Variants in PNO1 observed in about 807,000 individuals in gnomAD.
PNO1 encodes partner of NOB1 homolog.
Under a neutral mutation model 28.4 loss-of-function variants are expected in PNO1, and 16 were observed. The ratio of observed to expected loss-of-function variants is 0.56; its 90% confidence interval spans 0.38 to 0.85. PNO1 has a LOEUF of 0.85. PNO1 is among the 40% of genes least tolerant of loss of function. The pLI is 0.00. For synonymous variants in PNO1, 115 were observed against 110.8 expected (o/e 1.04, Z -0.24); for missense variants, 304 against 312.2 (o/e 0.97, Z 0.20).
chr2:68,163,783 G>T (rs887839289), intron 5 of PNO1, among the ~76,000 whole-genome samples: 1 of 152,108 alleles, frequency 6.6e-6, no homozygotes, highest in South Asian at 2.1e-4. Context: ...GATGAGAGGG[G>T]CTTAAAATAA....
chr2:68,174,463 TA>T (rs1205316262), intron 6 of PNO1, among the ~76,000 whole-genome samples: 2 of 152,104 alleles, frequency 1.3e-5, no homozygotes, highest in African/African-American at 4.8e-5. Flanking sequence ...AATGGCAAAT[TA>T]AAAATAATAC....
intron 5 of PNO1, among the ~76,000 whole-genome samples, chr2:68,163,465 A>T (rs774440505): frequency 6.2e-4 from 95 of 152,218 alleles, no homozygotes; most frequent in Non-Finnish European, 1.2e-3. Flanking sequence ...TAGGAGGAGG[A>T]GGTTGCAGTG....
At chr2:68,170,641 G>A (rs1487745134) in intron 5 of PNO1, among the ~76,000 whole-genome samples, 3 of 151,456 alleles carry the variant, frequency 2.0e-5, no homozygotes, top group African/African-American at 7.3e-5. Flanking sequence ...CCAGTTACTT[G>A]GGAGGCTGAG....
chr2:68,157,957 A>G lies in PNO1; in HGVS notation c.23A>G (p.Gln8Arg), dbSNP rs375136958. The change falls in exon 1 of 7, where the codon CAG becomes CGG. Residue 8 changes from glutamine (Q) to arginine (R), a missense_variant. Gln to Arg is a conservative substitution (Grantham distance 43). Transcript: ENST00000263657. ...GGGATGGAATCCGAAATGGAAACGC[A>G]GAGCGCCAGGGCAGAGGAGGGCTTT... MESEMET[Q>R]SARAEEGFTQ... 3.8e-5 allele frequency: 61 copies of G among 1,613,960 alleles called. No individual in the cohort carries two copies. Among genetic ancestry groups the G allele is most frequent in the Non-Finnish European group, 5.0e-5 (59 of 1,180,020 alleles).
At position 68,174,726 on chromosome 2, in the gene PNO1, C is replaced by G. The variant is rs759238272; in HGVS notation, c.692-9C>G. 1.9e-6 allele frequency: 3 copies of G among 1,591,476 alleles called. No homozygotes were observed. Among genetic ancestry groups the G allele is most frequent in the Non-Finnish European group, 2.6e-6 (3 of 1,162,100 alleles). ...TATTTGTGTATATACTTTTTTTTCC[C>G]CTTTGCAGGAAATCCTCCTTCCAAG... On this transcript the variant is annotated splice_polypyrimidine_tract_variant and intron_variant, in intron 6 of 6. Coordinates refer to ENST00000263657, the MANE Select transcript of PNO1 (RefSeq NM_020143.4).
intron 5 of PNO1, among the ~76,000 whole-genome samples, chr2:68,163,185 C>T (rs929125612): frequency 2.0e-5 from 3 of 152,150 alleles, no homozygotes; most frequent in African/African-American, 7.2e-5. Context: ...ATTCTTTTCT[C>T]ATTTAACAAT....
Position 68,175,425 on chromosome 2 carries a change from AATTTTTTGT to A in PNO1, c.*634_*642del, listed in dbSNP as rs944470476. 6.6e-6 allele frequency: 1 copy of A among 152,186 alleles called. No individual in the cohort carries two copies. Among genetic ancestry groups the A allele is most frequent in the African/African-American group, 2.4e-5 (1 of 41,390 alleles). The allele number at this position is 152,186 out of a possible 1,614,324, so 9.4% of individuals were successfully genotyped here. The stretch of plus-strand genomic sequence containing the variant: ...CAGGTATGCACCACCATGCCTGGCT[AATTTTTTGT>A]ATTTTTTGTAGAGATGGGGTTTCGC... On this transcript the variant is annotated 3_prime_UTR_variant, in exon 7 of 7. Coordinates refer to ENST00000263657, the MANE Select transcript of PNO1 (RefSeq NM_020143.4).
intron 5 of PNO1, among the ~76,000 whole-genome samples, chr2:68,171,476 C>T (rs529643195): frequency 6.6e-6 from 1 of 152,236 alleles, no homozygotes; most frequent in Non-Finnish European, 1.5e-5. Flanking sequence ...TCTCCTCCAT[C>T]TGCTTTCCAC....
intron 2 of PNO1, among the ~76,000 whole-genome samples, chr2:68,159,372 C>T (rs1673771114): frequency 6.6e-6 from 1 of 151,836 alleles, no homozygotes; most frequent in African/African-American, 2.4e-5. Flanking sequence ...CCAAACCTGG[C>T]TAATTTTTGT....
intron 5 of PNO1, among the ~76,000 whole-genome samples, chr2:68,168,387 CTCT>C (rs1412768261): frequency 1.3e-5 from 2 of 152,182 alleles, no homozygotes; most frequent in African/African-American, 2.4e-5. Context: ...GGTCAGTGAT[CTCT>C]TATCAGGAGA....
chr2:68,166,752 C>A (rs758218070), intron 5 of PNO1, among the ~76,000 whole-genome samples: 4 of 152,212 alleles, frequency 2.6e-5, no homozygotes, highest in Non-Finnish European at 4.4e-5. Context: ...TAATCAGAAA[C>A]CTTCTGCCAA....
At chr2:68,165,397 C>A (rs1673963448) in intron 5 of PNO1, among the ~76,000 whole-genome samples, 1 of 118,862 alleles carries the variant, frequency 8.4e-6, no homozygotes, top group African/African-American at 3.3e-5. Flanking sequence ...AAAAAAAAAA[C>A]TAGCTGGGTG....
In PNO1 at chr2:68,162,300, C is replaced by T; in HGVS notation, c.477C>T (p.Phe159=). The T allele has an allele frequency of 6.2e-7, 1 of 1,613,202 alleles. No individual in the cohort carries two copies. Among genetic ancestry groups the T allele is most frequent in the Non-Finnish European group, 8.5e-7 (1 of 1,179,296 alleles). The part of the protein sequence containing the change: ...ALALIRLDDL[F]LESFEITDVK... ...CCCTCATCAGGTTGGATGACCTCTT[C>T]CTAGAGTCTTTTGAAATTACAGATG... is the stretch of plus-strand genomic sequence containing the variant. The change falls in exon 4 of 7, where the codon TTC becomes TTT. Residue 159 remains phenylalanine, a synonymous_variant. Transcript: ENST00000263657.
Position 68,161,719 on chromosome 2 carries a change from A to G in PNO1, c.394A>G (p.Lys132Glu), listed in dbSNP as rs1409526693. 1.9e-5 allele frequency: 31 copies of G among 1,613,476 alleles called. No individual in the cohort carries two copies. The highest frequency in any genetic ancestry group is 2.5e-5 in the Non-Finnish European group (30 of 1,179,528). Residue 132 changes from lysine to glutamate, a missense_variant, in exon 3 of 7, where the codon AAA (lysine) becomes GAA (glutamate). Coordinates refer to ENST00000263657, the MANE Select transcript of PNO1 (RefSeq NM_020143.4). The part of the protein sequence containing the change: ...KETKDVSALT[K>E]AADFVKAFIL... ...AACCAAGGATGTTAGTGCTCTGACA[A>G]AAGCAGCTGATTTTGTGAAAGCTTT...
At chr2:68,168,915 T>G (rs1301729227) in intron 5 of PNO1, among the ~76,000 whole-genome samples, 1 of 135,652 alleles carries the variant, frequency 7.4e-6, no homozygotes, top group African/African-American at 2.8e-5. Context: ...GCAATTCAGC[T>G]TTTTTCTTTT....
chr2:68,161,097 T>C (rs928806738), intron 2 of PNO1: 3 of 417,318 alleles, frequency 7.2e-6, no homozygotes, highest in African/African-American at 2.1e-5. Context: ...GCATGTTATT[T>C]ATAGTACGTG....
In PNO1 at chr2:68,161,734, G is replaced by T; in HGVS notation, c.409G>T (p.Val137Leu). 6.2e-7 allele frequency: 1 copy of T among 1,613,160 alleles called. No individual in the cohort carries two copies. The highest frequency in any genetic ancestry group is 1.1e-5 in the South Asian group (1 of 91,042). ...TGCTCTGACAAAAGCAGCTGATTTT[G>T]TGAAAGCTTTTATTCTCGGCTTTCA... ...VSALTKAADF[V>L]KAFILGFQVE... The change falls in exon 3 of 7, where the codon GTG becomes TTG. Residue 137 changes from valine to leucine, a missense_variant. Coordinates refer to ENST00000263657, the MANE Select transcript of PNO1 (RefSeq NM_020143.4).
chr2:68,166,099 A>C (rs936131421), intron 5 of PNO1, among the ~76,000 whole-genome samples: 2 of 152,192 alleles, frequency 1.3e-5, no homozygotes, highest in Non-Finnish European at 2.9e-5. Flanking sequence ...GACTTCTCTT[A>C]ATTAGCATGT....
At position 68,176,213 on chromosome 2, in the gene PNO1, T is replaced by C. The variant is rs1007418207; in HGVS notation, c.*1411T>C. 9 of 152,226 alleles carry C rather than the reference T, an allele frequency of 5.9e-5. No homozygotes were observed. Among genetic ancestry groups the C allele is most frequent in the African/African-American group, 1.9e-4 (8 of 41,458 alleles). The allele number at this position is 152,226 out of a possible 1,614,324, so 9.4% of individuals were successfully genotyped here. ...ACATTACAAAATGGAAGGAACTTAC[T>C]TTATTAAACTTAACTTTGATACTTC... On this transcript the variant is annotated 3_prime_UTR_variant, in exon 7 of 7. Coordinates refer to ENST00000263657, the MANE Select transcript of PNO1 (RefSeq NM_020143.4).
Sources: allele counts gnomAD v4.1 joint callset (sites outside exome capture counted in the v4.1 genomes callset), GRCh38; gene constraint gnomAD v4.1.1; transcripts MANE v1.5; gene names NCBI Gene and HGNC (gene_info 2026-07-23, HGNC 2026-07-21).